Variants in ASS1 observed in about 807,000 individuals in gnomAD.
ASS1 encodes argininosuccinate synthase.
In ASS1, 58 loss-of-function variants were observed where a neutral mutation model predicts 60.5. The observed-to-expected ratio is 0.96, with a 90% CI of 0.78 to 1.19. The LOEUF (loss-of-function observed/expected upper bound fraction) is 1.19. Ranked by LOEUF, ASS1 falls within the 50% of genes most tolerant of loss-of-function variation. The pLI, the probability that ASS1 is intolerant of heterozygous loss-of-function variation, is 0.00. For missense variants in ASS1, 454 were observed against 547.3 expected, an observed-to-expected ratio of 0.83 and a Z score of 1.70; for synonymous variants, 200 against 206.9, an observed-to-expected ratio of 0.97 and a Z score of 0.29.
Position 130,470,704 on chromosome 9 carries a change from G to C in ASS1, c.496-130G>C. 1.1e-6 allele frequency: 1 copy of C among 905,258 alleles called. No homozygotes were observed. Among genetic ancestry groups the C allele is most frequent in the Non-Finnish European group, 1.8e-6 (1 of 543,912 alleles). 56.1% of individuals were successfully genotyped at this position (905,258 alleles called of 1,614,324 possible). ...AGGGAGGTGACCGTGACCAACACTA[G>C]GAGGTAGCCAGGGTCTTGTCTGAAT... On this transcript the variant is annotated intron_variant, in intron 6 of 14. Transcript: ENST00000352480. The surrounding 1 kb of genome is among the most constrained non-coding windows in gnomAD (Gnocchi z 4.3).
intron 1 of ASS1, among the ~76,000 whole-genome samples, chr9:130,448,431 C>G (rs1335312808): frequency 6.6e-6 from 1 of 151,962 alleles, no homozygotes; most frequent in Non-Finnish European, 1.5e-5. Context: ...CGCACACACA[C>G]ACACACACAC....
rs1399252940 is a variant in ASS1, at chr9:130,470,533, G to A, written c.496-301G>A. On this transcript the variant is annotated intron_variant, in intron 6 of 14. Coordinates refer to ENST00000352480, the MANE Select transcript of ASS1 (RefSeq NM_054012.4). The surrounding 1 kb of genome is among the most constrained non-coding windows in gnomAD (Gnocchi z 4.3). The stretch of plus-strand genomic sequence containing the variant: ...TTGGCTGGTGCCGGGAGACCTGGCT[G>A]GGCATGGCACCTGCGTGCTTGCTCA... Among the ~76,000 whole-genome samples the A allele has an allele frequency of 6.6e-6, 1 of 152,216 alleles. No individual in the cohort carries two copies. Among genetic ancestry groups the A allele is most frequent in the Non-Finnish European group, 1.5e-5 (1 of 68,036 alleles).
chr9:130,458,396 C>T lies in ASS1; in HGVS notation c.175-5C>T, dbSNP rs747058030. ...CTTCTTCCTTCTGGGCTCCTCTTCC[C>T]GTAGGTGTTCATTGAGGATGTCAGC... On this transcript the variant is annotated splice_polypyrimidine_tract_variant and splice_region_variant and intron_variant, in intron 3 of 14. Coordinates refer to ENST00000352480, the MANE Select transcript of ASS1 (RefSeq NM_054012.4). 2.1e-5 allele frequency: 34 copies of T among 1,611,984 alleles called. No individual in the cohort carries two copies. Among genetic ancestry groups the T allele is most frequent in the Admixed American group, 1.7e-4 (10 of 60,012 alleles).
chr9:130,493,862 G>C (rs1213440488), intron 12 of ASS1, among the ~76,000 whole-genome samples: 3 of 152,198 alleles, frequency 2.0e-5, no homozygotes, highest in Non-Finnish European at 4.4e-5. Context: ...GGCCTTTAGG[G>C]CTCTCGGGGA....
intron 12 of ASS1, among the ~76,000 whole-genome samples, chr9:130,493,996 C>T (rs902615379): frequency 6.6e-6 from 1 of 152,156 alleles, no homozygotes; most frequent in African/African-American, 2.4e-5. Flanking sequence ...TGGGCCAACA[C>T]AAGTCAAATG....
chr9:130,448,196 C>A (rs1037587699), intron 1 of ASS1, among the ~76,000 whole-genome samples: 1 of 152,026 alleles, frequency 6.6e-6, no homozygotes, highest in African/African-American at 2.4e-5. Flanking sequence ...GGGTGCCCCA[C>A]CCGCTGCTGG....
chr9:130,500,044 C>T (rs1215405718), intron 14 of ASS1, among the ~76,000 whole-genome samples: 1 of 152,158 alleles, frequency 6.6e-6, no homozygotes, highest in Non-Finnish European at 1.5e-5. Flanking sequence ...GACCTTTGAT[C>T]CTCTGTGAGT....
In ASS1 at chr9:130,488,188, T is replaced by C. The variant is rs753722204; in HGVS notation, c.839-1145T>C. ...ATTGTGATTAATGCTGCTATGAACA[T>C]GAGTGTACAAATCCTTTCTGGGTTT... is the stretch of plus-strand genomic sequence containing the variant. On this transcript the variant is annotated intron_variant, in intron 11 of 14. Coordinates refer to ENST00000352480, the MANE Select transcript of ASS1 (RefSeq NM_054012.4). The surrounding 1 kb of genome is among the most constrained non-coding windows in gnomAD (Gnocchi z 5.2). Among the ~76,000 whole-genome samples the C allele has an allele frequency of 6.6e-6, 1 of 152,220 alleles. No homozygotes were observed. Among genetic ancestry groups the C allele is most frequent in the African/African-American group, 2.4e-5 (1 of 41,462 alleles).
At position 130,476,275 on chromosome 9, in the gene ASS1, C is replaced by A; in HGVS notation, c.598-596C>A. 1 of 155,880 alleles carries A rather than the reference C, an allele frequency of 6.4e-6. No individual in the cohort carries two copies. Among genetic ancestry groups the A allele is most frequent in the Non-Finnish European group, 1.4e-5 (1 of 70,362 alleles). 9.7% of individuals were successfully genotyped at this position (155,880 alleles called of 1,614,324 possible). ...CGAGAGTTTCAGGCAACACGCAGCC[C>A]CTCCACCACTGCATCAGACGAGAGG... On this transcript the variant is annotated intron_variant, in intron 8 of 14. Coordinates refer to ENST00000352480, the MANE Select transcript of ASS1 (RefSeq NM_054012.4). The surrounding 1 kb of genome is among the most constrained non-coding windows in gnomAD (Gnocchi z 4.9).
chr9:130,501,214 G>A lies in ASS1; in HGVS notation c.*193G>A. On this transcript the variant is annotated 3_prime_UTR_variant, in exon 15 of 15. Coordinates refer to ENST00000352480, the MANE Select transcript of ASS1 (RefSeq NM_054012.4). ...TTGTCATCGAAGGGAAGGGTGGGGG[G>A]CAGCTGCGGTGGGGAGCTATAAAAA... 1.1e-5 allele frequency: 7 copies of A among 633,486 alleles called. No homozygotes were observed. Among genetic ancestry groups the A allele is most frequent in the Non-Finnish European group, 2.0e-5 (7 of 358,778 alleles). The allele number at this position is 633,486 out of a possible 1,614,324, so 39.2% of individuals were successfully genotyped here. A position where few individuals can be genotyped will look rare whatever the true frequency, so the allele number is the denominator to read the frequency against.
chr9:130,461,100 C>A (rs1301050889), intron 4 of ASS1, among the ~76,000 whole-genome samples: 1 of 149,198 alleles, frequency 6.7e-6, no homozygotes, highest in African/African-American at 2.5e-5. Flanking sequence ...GGCATACAAG[C>A]CGAGGGCAGG....
intron 5 of ASS1, among the ~76,000 whole-genome samples, chr9:130,466,315 C>T (rs12344308): frequency 0.064 from 9,757 of 152,194 alleles, 1,007 homozygotes; most frequent in African/African-American, 0.22. Flanking sequence ...TCTGGGCCCC[C>T]GACCACACGT....
intron 4 of ASS1, among the ~76,000 whole-genome samples, chr9:130,462,033 C>T (rs1845608632): frequency 6.6e-6 from 1 of 152,168 alleles, no homozygotes; most frequent in African/African-American, 2.4e-5. Context: ...CCCGTCCAGA[C>T]AGCACCTGGT....
chr9:130,481,344 A>C (rs1165190394), intron 11 of ASS1, among the ~76,000 whole-genome samples: 1 of 151,992 alleles, frequency 6.6e-6, no homozygotes, highest in Non-Finnish European at 1.5e-5. Context: ...TGGGCACCTG[A>C]ATTTTTATAC....
At chr9:130,449,603 C>T (rs941020739) in intron 1 of ASS1, among the ~76,000 whole-genome samples, 4 of 152,050 alleles carry the variant, frequency 2.6e-5, no homozygotes, top group Non-Finnish European at 5.9e-5. Context: ...TGGTCTTGTA[C>T]CTATGAGCAG....
chr9:130,494,414 C>G lies in ASS1; in HGVS notation c.971-453C>G, dbSNP rs1407919863. 6.6e-6 allele frequency among the ~76,000 whole-genome samples: 1 copy of G among 152,240 alleles called. No individual in the cohort carries two copies. Among genetic ancestry groups the G allele is most frequent in the African/African-American group, 2.4e-5 (1 of 41,458 alleles). On this transcript the variant is annotated intron_variant, in intron 12 of 14. Coordinates refer to ENST00000352480, the MANE Select transcript of ASS1 (RefSeq NM_054012.4). This position sits in a 1 kb window ranked among gnomAD's most constrained non-coding sequence, Gnocchi z 4.3. ...GGCCATGGTCTGAACCACCACCCAG[C>G]TGCCTGCACTGGACACCCATATCAC...
intron 14 of ASS1, 34 bp downstream of exon 14, chr9:130,499,604 G>A (rs757471673): frequency 4.4e-6 from 7 of 1,595,200 alleles, no homozygotes; most frequent in Non-Finnish European, 6.0e-6. Context: ...GGCCTTCAGA[G>A]CCTCCAGGTG....
At chr9:130,500,940 A>C (rs998969765) in intron 14 of ASS1, 36 bp from the exon 15 acceptor site, 1 of 1,607,296 alleles carries the variant, frequency 6.2e-7, no homozygotes, top group Non-Finnish European at 8.5e-7. Flanking sequence ...GTTATTGTTA[A>C]TTTACATTTT....
chr9:130,496,435 T>C (rs1846603909), intron 13 of ASS1, among the ~76,000 whole-genome samples: 1 of 150,182 alleles, frequency 6.7e-6, no homozygotes, highest in Non-Finnish European at 1.5e-5. Flanking sequence ...AATAAATACA[T>C]AAAGTATTAG....
Sources: allele counts gnomAD v4.1 joint callset (sites outside exome capture counted in the v4.1 genomes callset), GRCh38; gene constraint gnomAD v4.1.1; non-coding constraint Gnocchi (gnomAD v3.1); transcripts MANE v1.5; gene names NCBI Gene and HGNC (gene_info 2026-07-23, HGNC 2026-07-21).